The following CENPP variants were observed in gnomAD, a reference collection of about 807,000 sequenced individuals.
CENPP encodes the protein centromere protein P.
Under a neutral mutation model 35.6 loss-of-function variants are expected in CENPP, and 24 were observed. The observed-to-expected ratio is 0.67, with a 90% CI of 0.49 to 0.95. CENPP has a LOEUF of 0.95. Ranked by LOEUF, CENPP falls within the 40% of genes least tolerant of loss-of-function variation. The pLI is 0.00. For synonymous variants in CENPP, 120 were observed against 125.5 expected (o/e 0.96, Z 0.29); for missense variants, 332 against 345.3 (o/e 0.96, Z 0.31).
chr9:92,539,196 G>A (rs1219304627), intron 5 of CENPP: 2 of 152,170 alleles, frequency 1.3e-5, no homozygotes, highest in East Asian at 3.9e-4. Flanking sequence ...GGAGTAGGGC[G>A]AGGTAAAATG....
chr9:92,514,955 C>A, intron 5 of CENPP: 1 of 1,614,064 alleles, frequency 6.2e-7, no homozygotes, highest in Non-Finnish European at 8.5e-7. Flanking sequence ...CCTCTGCTGT[C>A]CCCCTCACTG....
At chr9:92,497,547 C>G (rs1175741659) in intron 5 of CENPP, among the ~76,000 whole-genome samples, 1 of 151,408 alleles carries the variant, frequency 6.6e-6, no homozygotes, top group Non-Finnish European at 1.5e-5. Context: ...TTGCTTGAAC[C>G]TGGGAGGTCG....
chr9:92,604,392 A>C (rs76613767), intron 5 of CENPP, among the ~76,000 whole-genome samples: 1,687 of 152,268 alleles, frequency 0.011, 35 homozygotes, highest in African/African-American at 0.038. Flanking sequence ...TGGGTTATTT[A>C]TCTTCTTTTT....
chr9:92,452,178 C>G (rs1413078376), intron 5 of CENPP, among the ~76,000 whole-genome samples: 3,895 of 148,640 alleles, frequency 0.026, 73 homozygotes, highest in South Asian at 0.058. Context: ...TCTTGTGCCA[C>G]TTTTCAAAGG....
intron 4 of CENPP, among the ~76,000 whole-genome samples, chr9:92,358,147 C>A (rs962496652): frequency 6.7e-6 from 1 of 150,184 alleles, no homozygotes. Flanking sequence ...ATTCTGTCTG[C>A]TTCTTCCTCT....
chr9:92,546,719 C>T (rs1849465571), intron 5 of CENPP, among the ~76,000 whole-genome samples: 1 of 152,136 alleles, frequency 6.6e-6, no homozygotes, highest in East Asian at 1.9e-4. Context: ...ACCAAGAACC[C>T]AGCAGTTCTG....
At chr9:92,541,486 G>A (rs961216201) in intron 5 of CENPP, among the ~76,000 whole-genome samples, 3 of 128,020 alleles carry the variant, frequency 2.3e-5, no homozygotes, top group South Asian at 2.7e-4. Flanking sequence ...TCAGCCTCCC[G>A]AGTAGCTGGG....
At chr9:92,558,269 T>A (rs912127828) in intron 5 of CENPP, among the ~76,000 whole-genome samples, 3 of 152,210 alleles carry the variant, frequency 2.0e-5, no homozygotes, top group African/African-American at 7.2e-5. Context: ...TTTAGGTAGG[T>A]TCTATCAGAG....
At chr9:92,562,031 T>C (rs111454542) in intron 5 of CENPP, among the ~76,000 whole-genome samples, 29 of 152,266 alleles carry the variant, frequency 1.9e-4, no homozygotes, top group African/African-American at 6.7e-4. Context: ...CTGAAAGACA[T>C]GTATTCAGAA....
chr9:92,556,666 T>C (rs907510857), intron 5 of CENPP, among the ~76,000 whole-genome samples: 1 of 152,212 alleles, frequency 6.6e-6, no homozygotes, highest in Non-Finnish European at 1.5e-5. Flanking sequence ...TGCTCACTTT[T>C]GGTGTCTATT....
intron 2 of CENPP, among the ~76,000 whole-genome samples, chr9:92,334,408 T>C (rs1035824059): frequency 6.6e-6 from 1 of 152,170 alleles, no homozygotes; most frequent in African/African-American, 2.4e-5. Context: ...TGTGAGCCCC[T>C]GCGCCTGGCC....
intron 5 of CENPP, chr9:92,522,700 T>G (rs10120210): frequency 0.59 from 944,500 of 1,613,896 alleles, 282,880 homozygotes; most frequent in African/African-American, 0.9. Context: ...TGTTGTTTGC[T>G]GAATTCCAAG....
intron 5 of CENPP, among the ~76,000 whole-genome samples, chr9:92,446,804 C>CT (rs1166281159): frequency 6.4e-5 from 8 of 124,294 alleles, no homozygotes; most frequent in Non-Finnish European, 1.3e-4. Flanking sequence ...GAGTGGGACT[C>CT]TGTCTCTTAA....
At chr9:92,384,214 A>T (rs971097845) in intron 5 of CENPP, 3 of 152,198 alleles carry the variant, frequency 2.0e-5, no homozygotes, top group Non-Finnish European at 4.4e-5. Flanking sequence ...GTGTTCTTAG[A>T]TCTCAGATGC....
chr9:92,345,390 A>G (rs906605260), intron 3 of CENPP, among the ~76,000 whole-genome samples: 3 of 150,710 alleles, frequency 2.0e-5, no homozygotes, highest in African/African-American at 7.3e-5. Flanking sequence ...CTTTGGGGAG[A>G]ATGAGGCAGA....
intron 5 of CENPP, among the ~76,000 whole-genome samples, chr9:92,581,649 TGAGA>T (rs1477100497): frequency 6.6e-6 from 1 of 152,122 alleles, no homozygotes; most frequent in African/African-American, 2.4e-5. Flanking sequence ...AAATAGAAAC[TGAGA>T]GAATTTACCT....
At chr9:92,416,589 C>A in intron 5 of CENPP, 1 of 1,302,332 alleles carries the variant, frequency 7.7e-7, no homozygotes, top group Non-Finnish European at 1.1e-6. Context: ...CATTCTTTCT[C>A]TCTTCAAAAC....
chr9:92,507,151 C>T (rs1847056569), intron 5 of CENPP, among the ~76,000 whole-genome samples: 1 of 152,114 alleles, frequency 6.6e-6, no homozygotes, highest in Admixed American at 6.5e-5. Context: ...GATGGCAGGA[C>T]AAGGGCCACA....
intron 5 of CENPP, among the ~76,000 whole-genome samples, chr9:92,386,953 C>G (rs1335340833): frequency 1.4e-5 from 2 of 146,212 alleles, no homozygotes; most frequent in African/African-American, 5.1e-5. Context: ...GAGGCTGAGG[C>G]AGGAGAATGC....
Sources: gnomAD v4.1 joint callset for allele counts (sites outside exome capture counted in the v4.1 genomes callset) on GRCh38, gnomAD v4.1.1 for gene constraint, MANE v1.5 for transcripts, NCBI Gene and HGNC (gene_info 2026-07-23, HGNC 2026-07-21) for gene names.